The following TIMP2 variants were observed in gnomAD, a reference collection of about 807,000 sequenced individuals.
The protein encoded by TIMP2 is metalloproteinase inhibitor 2.
TIMP2 carries 5 observed loss-of-function variants against 24.3 expected under a neutral mutation model. The ratio of observed to expected loss-of-function variants is 0.21; its 90% CI spans 0.11 to 0.43. TIMP2 has a LOEUF of 0.43. Among genes scored for constraint, TIMP2 ranks in the 20% least tolerant of loss-of-function variants. The pLI is 1.00. For missense variants in TIMP2, 221 were observed against 297.5 expected, an observed-to-expected ratio of 0.74 and a Z score of 1.89; for synonymous variants, 130 against 123.2, an observed-to-expected ratio of 1.06 and a Z score of -0.37.
At chr17:78,881,367 G>T (rs779110660) in intron 1 of TIMP2, among the ~76,000 whole-genome samples, 2 of 152,244 alleles carry the variant, frequency 1.3e-5, no homozygotes, top group Non-Finnish European at 2.9e-5. Context: ...TGGGAGTCGG[G>T]TGGGGGCTTC....
intron 3 of TIMP2, among the ~76,000 whole-genome samples, chr17:78,866,999 G>A (rs1004176920): frequency 1.3e-5 from 2 of 152,158 alleles, no homozygotes; most frequent in African/African-American, 4.8e-5. Flanking sequence ...GGTGGCTCAC[G>A]CCTGTAATCC....
At chr17:78,884,543 G>C (rs1010872778) in intron 1 of TIMP2, among the ~76,000 whole-genome samples, 3 of 152,088 alleles carry the variant, frequency 2.0e-5, no homozygotes, top group Non-Finnish European at 4.4e-5. Context: ...ATGAAAGCAG[G>C]GGGGCTGAGG....
rs2070332406 is a variant in TIMP2 at position 78,924,321 on chromosome 17, C to T, written c.130+638G>A. Among the ~76,000 whole-genome samples the T allele has an allele frequency of 6.6e-6, 1 of 152,218 alleles. No individual in the cohort carries two copies. Among genetic ancestry groups the T allele is most frequent in the Non-Finnish European group, 1.5e-5 (1 of 68,044 alleles). ...GCGGAACATTCGGGGGTCCCGGTCC[C>T]TGCCCAGCCAGTTTGCAGGGCCTCC... On this transcript the variant is annotated intron_variant, in intron 1 of 4. Coordinates refer to ENST00000262768, the MANE Select transcript of TIMP2 (RefSeq NM_003255.5). This position sits in a 1 kb window ranked among gnomAD's most constrained non-coding sequence, Gnocchi z 5.3.
At chr17:78,880,041 C>T (rs996108601) in intron 1 of TIMP2, among the ~76,000 whole-genome samples, 10 of 152,156 alleles carry the variant, frequency 6.6e-5, no homozygotes, top group African/African-American at 2.4e-4. Flanking sequence ...CCGGCTGCTG[C>T]TGCTCTCGGA....
intron 1 of TIMP2, chr17:78,897,107 C>T (rs1341557164): frequency 1.8e-6 from 1 of 559,566 alleles, no homozygotes; most frequent in African/African-American, 2.1e-5. Context: ...CCCCCCGCCC[C>T]CCGCCGGCCT....
chr17:78,915,436 C>A (rs544602743), intron 1 of TIMP2, among the ~76,000 whole-genome samples: 1 of 152,134 alleles, frequency 6.6e-6, no homozygotes, highest in Admixed American at 6.6e-5. Context: ...ACAGCCTAGA[C>A]CATTCATCCC....
rs952263967 is a variant in TIMP2 at position 78,857,786 on chromosome 17, G to A, written c.341-140C>T. Reference sequence around the variant, plus strand: ...TCTATTCTGAGTTAAAACACAGTGGGTGGCCAGGCACGGTGGCTCACTCCT... The same window carrying A: ...TCTATTCTGAGTTAAAACACAGTGGATGGCCAGGCACGGTGGCTCACTCCT... On this transcript the variant is annotated intron_variant, in intron 3 of 4. Transcript: ENST00000262768. 4.2e-6 allele frequency: 5 copies of A among 1,184,924 alleles called. No homozygotes were observed. In the East Asian group the frequency reaches 1.0e-4, roughly 24 times the overall value. The allele number at this position is 1,184,924 out of a possible 1,614,324, so 73.4% of individuals were successfully genotyped here. A position where few individuals can be genotyped will look rare whatever the true frequency, so the allele number is the denominator to read the frequency against.
At chr17:78,858,392 G>A (rs1599143972) in intron 3 of TIMP2, among the ~76,000 whole-genome samples, 1 of 151,900 alleles carries the variant, frequency 6.6e-6, no homozygotes, top group Admixed American at 6.6e-5. Context: ...GCAGTGAGCC[G>A]AGTTGGTGCC....
chr17:78,916,031 G>A (rs941258822), intron 1 of TIMP2, among the ~76,000 whole-genome samples: 15 of 152,188 alleles, frequency 9.9e-5, no homozygotes, highest in South Asian at 4.1e-4. Flanking sequence ...TTATCACCAT[G>A]TCATGATTCA....
At position 78,887,299 on chromosome 17, in the gene TIMP2, C is replaced by T. The variant is rs912929527; in HGVS notation, c.131-13380G>A. Among the ~76,000 whole-genome samples, 5 of 152,296 alleles carry T rather than the reference C, an allele frequency of 3.3e-5. No individual in the cohort carries two copies. The East Asian group carries it at 9.6e-4, about 29-fold the overall frequency. On this transcript the variant is annotated intron_variant, in intron 1 of 4. Transcript: ENST00000262768. The stretch of plus-strand genomic sequence containing the variant: ...TTACTCACTCATCATCTGCGTCCTC[C>T]ACCAGAACGGGAGTCCTGTGGTTCC...
intron 3 of TIMP2, among the ~76,000 whole-genome samples, chr17:78,869,011 C>T (rs2069643561): frequency 6.6e-6 from 1 of 152,196 alleles, no homozygotes; most frequent in Non-Finnish European, 1.5e-5. Context: ...ATGGTCCATC[C>T]CCAAATGTTA....
chr17:78,871,084 C>T (rs1321370683), intron 2 of TIMP2, 78 bp from the exon 3 acceptor site: 6 of 1,218,508 alleles, frequency 4.9e-6, no homozygotes, highest in Non-Finnish European at 7.1e-6. Context: ...CCAGAACACC[C>T]TGGGCGGCAC....
chr17:78,856,616 G>C (rs536949106), intron 4 of TIMP2: 4 of 152,800 alleles, frequency 2.6e-5, no homozygotes, highest in African/African-American at 7.2e-5. Context: ...GGAGCCCACA[G>C]GGTAGGAGCC....
intron 1 of TIMP2, among the ~76,000 whole-genome samples, chr17:78,895,830 GC>G (rs1029276191): frequency 1.3e-5 from 2 of 152,156 alleles, no homozygotes; most frequent in Admixed American, 6.5e-5. Context: ...GTGCCTGGAG[GC>G]CCCAAGGTTC....
Position 78,896,085 on chromosome 17 carries a change from T to C in TIMP2, c.131-22166A>G, listed in dbSNP as rs2069994722. On this transcript the variant is annotated intron_variant, in intron 1 of 4. Transcript: ENST00000262768. This position sits in a 1 kb window ranked among gnomAD's most constrained non-coding sequence, Gnocchi z 4.4. ...AGATCTTTGGGATAAGTCTAGAAAATTGCAGCCAGCTCCATCCTTCAGGAA... is the reference window on the plus strand; with the variant it reads ...AGATCTTTGGGATAAGTCTAGAAAACTGCAGCCAGCTCCATCCTTCAGGAA... Among the ~76,000 whole-genome samples the C allele has an allele frequency of 6.6e-6, 1 of 152,084 alleles. No individual in the cohort carries two copies. Among genetic ancestry groups the C allele is most frequent in the Non-Finnish European group, 1.5e-5 (1 of 68,006 alleles).
intron 3 of TIMP2, 82 bp from the exon 4 acceptor site, chr17:78,857,728 G>A (rs1432731200): frequency 1.9e-5 from 30 of 1,576,788 alleles, no homozygotes; most frequent in African/African-American, 4.1e-5. Context: ...GCGCAGGGGC[G>A]CTGGGATTTC....
intron 1 of TIMP2, among the ~76,000 whole-genome samples, chr17:78,875,885 TCCCACACCACAGC>T (rs1040665530): frequency 2.0e-5 from 3 of 152,036 alleles, no homozygotes; most frequent in African/African-American, 7.2e-5. Flanking sequence ...GGCATCAGAG[TCCCACACCACAGC>T]CCCACTGCCT....
At chr17:78,883,432 G>A (rs2069796105) in intron 1 of TIMP2, among the ~76,000 whole-genome samples, 1 of 152,206 alleles carries the variant, frequency 6.6e-6, no homozygotes, top group Non-Finnish European at 1.5e-5. Flanking sequence ...CTCAGGCCAG[G>A]GTGAAAAACG....
intron 1 of TIMP2, among the ~76,000 whole-genome samples, chr17:78,918,084 A>T (rs535153737): frequency 4.2e-4 from 54 of 129,102 alleles, no homozygotes; most frequent in Admixed American, 2.1e-3. Flanking sequence ...ACACACACAC[A>T]CACACACACA....
Sources: gnomAD v4.1 joint callset for allele counts (sites outside exome capture counted in the v4.1 genomes callset) on GRCh38, gnomAD v4.1.1 for gene constraint, Gnocchi (gnomAD v3.1) non-coding constraint, MANE v1.5 for transcripts, NCBI Gene and HGNC (gene_info 2026-07-23, HGNC 2026-07-21) for gene names.